The following EPB41L4B variants were observed in gnomAD, a reference collection of about 807,000 sequenced individuals.
EPB41L4B encodes erythrocyte membrane protein band 4.1 like 4B.
A neutral mutation model predicts 112.5 loss-of-function variants in EPB41L4B; 30 were observed. The observed-to-expected ratio is 0.27, with a 90% CI of 0.20 to 0.36. The LOEUF (loss-of-function observed/expected upper bound fraction) is 0.36. Ranked by LOEUF, EPB41L4B falls within the 10% of genes least tolerant of loss-of-function variation. EPB41L4B has a pLI of 1.00. For synonymous variants in EPB41L4B, 408 were observed against 439.7 expected, an observed-to-expected ratio of 0.93 and a Z score of 0.90; for missense variants, 1,024 against 1,133.3, an observed-to-expected ratio of 0.90 and a Z score of 1.38.
At chr9:109,291,066 G>A (rs1005338258) in intron 1 of EPB41L4B, among the ~76,000 whole-genome samples, 4 of 152,022 alleles carry the variant, frequency 2.6e-5, no homozygotes, top group African/African-American at 9.7e-5. Flanking sequence ...CCAGTTGAAG[G>A]GTGCCTCAAT....
intron 15 of EPB41L4B, among the ~76,000 whole-genome samples, chr9:109,234,037 T>C (rs566337178): frequency 1.6e-4 from 24 of 151,536 alleles, no homozygotes; most frequent in African/African-American, 5.6e-4. Flanking sequence ...AAAAGGTGCA[T>C]AGCCTTGTTC....
At chr9:109,212,057 A>C (rs1833200843) in intron 17 of EPB41L4B, among the ~76,000 whole-genome samples, 3 of 152,012 alleles carry the variant, frequency 2.0e-5, no homozygotes, top group Non-Finnish European at 4.4e-5. Context: ...GGGAGTTGTA[A>C]CTTGACCTCC....
chr9:109,247,461 GGCTGT>G (rs1834602035), intron 14 of EPB41L4B, among the ~76,000 whole-genome samples: 1 of 152,092 alleles, frequency 6.6e-6, no homozygotes, highest in African/African-American at 2.4e-5. Context: ...GCCACTAAGG[GGCTGT>G]GTGTGGCCAC....
In EPB41L4B at chr9:109,208,061, CAA is replaced by C. The variant is rs1564266231; in HGVS notation, c.1753-14_1753-13del. On this transcript the variant is annotated splice_polypyrimidine_tract_variant and intron_variant, in intron 17 of 25. Coordinates refer to ENST00000374566, the MANE Select transcript of EPB41L4B (RefSeq NM_019114.5). ...TTCTTTTCTTCAGCCTGAGACAAAC[CAA>C]AATACAAACAGCAGATTGTAAACAA... is the stretch of plus-strand genomic sequence containing the variant. 4 of 1,613,156 alleles carry C rather than the reference CAA, an allele frequency of 2.5e-6. No homozygotes were observed. Among genetic ancestry groups the C allele is most frequent in the East Asian group, 4.5e-5 (2 of 44,876 alleles).
chr9:109,202,819 T>A (rs1189669559), intron 19 of EPB41L4B, among the ~76,000 whole-genome samples: 1 of 152,178 alleles, frequency 6.6e-6, no homozygotes, highest in African/African-American at 2.4e-5. Context: ...CCGTGCAATC[T>A]ATGCACAGAT....
At chr9:109,198,848 T>C (rs1356440052) in intron 20 of EPB41L4B, among the ~76,000 whole-genome samples, 1 of 150,452 alleles carries the variant, frequency 6.6e-6, no homozygotes, top group African/African-American at 2.5e-5. Context: ...AGGTGGAGAT[T>C]GCAGTGAGCT....
intron 24 of EPB41L4B, among the ~76,000 whole-genome samples, chr9:109,178,744 T>G (rs1247129406): frequency 6.6e-6 from 1 of 151,958 alleles, no homozygotes; most frequent in African/African-American, 2.4e-5. Context: ...ACCCAGCCTT[T>G]GATGCCATTT....
intron 15 of EPB41L4B, among the ~76,000 whole-genome samples, chr9:109,217,579 A>G (rs184120631): frequency 1.3e-5 from 2 of 152,256 alleles, no homozygotes; most frequent in Non-Finnish European, 2.9e-5. Flanking sequence ...GTGCTGCAAC[A>G]TCTTTTTCTT....
At chr9:109,252,863 G>C (rs868715647) in intron 12 of EPB41L4B, among the ~76,000 whole-genome samples, 29 of 152,238 alleles carry the variant, frequency 1.9e-4, no homozygotes, top group African/African-American at 6.5e-4. Flanking sequence ...GAGTTGTACT[G>C]TGTTCCGGGC....
intron 17 of EPB41L4B, among the ~76,000 whole-genome samples, chr9:109,209,608 C>T (rs1334449274): frequency 6.7e-6 from 1 of 150,218 alleles, no homozygotes; most frequent in African/African-American, 2.4e-5. Context: ...GACTGCACCA[C>T]TGCACTCCAG....
intron 15 of EPB41L4B, among the ~76,000 whole-genome samples, chr9:109,225,208 C>T (rs116506208): frequency 0.025 from 3,816 of 152,258 alleles, 155 homozygotes; most frequent in African/African-American, 0.087. Context: ...ACTGGTTAGA[C>T]GGAGAACAAA....
At chr9:109,269,832 G>C (rs756125339) in intron 2 of EPB41L4B, among the ~76,000 whole-genome samples, 43 of 152,158 alleles carry the variant, frequency 2.8e-4, no homozygotes, top group Non-Finnish European at 4.4e-4. Context: ...TAATAACAAG[G>C]AGCGGCAGGA....
At position 109,203,654 on chromosome 9, in the gene EPB41L4B, G is replaced by A. The variant is rs971491735; in HGVS notation, c.1946+9C>T. 1.9e-6 allele frequency: 3 copies of A among 1,605,892 alleles called. No individual in the cohort carries two copies. Among genetic ancestry groups the A allele is most frequent in the Non-Finnish European group, 2.6e-6 (3 of 1,172,664 alleles). ...TATCATTTCCCCATTCAGACAAGGA[G>A]CAACAGACCTTACACTAGCGTCCTG... On this transcript the variant is annotated intron_variant, in intron 19 of 25. Transcript: ENST00000374566.
At chr9:109,237,092 T>C (rs1327786210) in intron 15 of EPB41L4B, among the ~76,000 whole-genome samples, 1 of 152,216 alleles carries the variant, frequency 6.6e-6, no homozygotes, top group African/African-American at 2.4e-5. Context: ...TCATTACTTG[T>C]GTTCAGAGCG....
intron 1 of EPB41L4B, among the ~76,000 whole-genome samples, chr9:109,281,522 G>A (rs940209615): frequency 6.6e-6 from 1 of 152,084 alleles, no homozygotes; most frequent in African/African-American, 2.4e-5. Context: ...GGCCAACATG[G>A]TGAAACCCTG....
rs566382211 is a variant in EPB41L4B, at chr9:109,223,390, C to T, written c.1410-6245G>A. On this transcript the variant is annotated intron_variant, in intron 15 of 25. Coordinates refer to ENST00000374566, the MANE Select transcript of EPB41L4B (RefSeq NM_019114.5). ...TCCAGGCTGCAGTGTGATCCAAGAT[C>T]GAGCCACTGTTCTCCAGCTTAGGCA... Among the ~76,000 whole-genome samples, 36 of 149,100 alleles carry T rather than the reference C, an allele frequency of 2.4e-4. No individual in the cohort carries two copies. The South Asian group carries it at 3.6e-3, about 15-fold the overall frequency.
At chr9:109,284,458 G>A (rs1836192360) in intron 1 of EPB41L4B, among the ~76,000 whole-genome samples, 1 of 152,184 alleles carries the variant, frequency 6.6e-6, no homozygotes, top group South Asian at 2.1e-4. Flanking sequence ...TGTCGCCCAG[G>A]CTGGAGTGCA....
chr9:109,300,586 G>C (rs1836923402), intron 1 of EPB41L4B: 1 of 152,086 alleles, frequency 6.6e-6, no homozygotes, highest in Non-Finnish European at 1.5e-5. Context: ...ACGAGTTTGA[G>C]AACAGCCTGG....
At chr9:109,258,964 C>T (rs145060885) in intron 6 of EPB41L4B, among the ~76,000 whole-genome samples, 1 of 152,168 alleles carries the variant, frequency 6.6e-6, no homozygotes, top group African/African-American at 2.4e-5. Flanking sequence ...AAGTCCCCCA[C>T]AGGATGGAGG....
Sources: gnomAD v4.1 joint callset for allele counts (sites outside exome capture counted in the v4.1 genomes callset) on GRCh38, gnomAD v4.1.1 for gene constraint, MANE v1.5 for transcripts, NCBI Gene and HGNC (gene_info 2026-07-23, HGNC 2026-07-21) for gene names.